Variants in SPATA16 observed in about 807,000 individuals in gnomAD.
SPATA16 encodes the protein spermatogenesis associated 16.
A neutral mutation model predicts 63.3 loss-of-function variants in SPATA16; 36 were observed. That is an observed-to-expected ratio of 0.57 (90% confidence interval 0.44 to 0.75). SPATA16 has a LOEUF of 0.75. Among genes scored for constraint, SPATA16 ranks in the 30% least tolerant of loss-of-function variants. The probability of loss-of-function intolerance (pLI) is 0.00; values close to 1 mark genes in which losing one functional copy is unlikely to be tolerated. For missense variants in SPATA16, 646 were observed against 679.3 expected (o/e 0.95, Z 0.54); for synonymous variants, 203 against 216.7 (o/e 0.94, Z 0.56).
At position 173,019,489 on chromosome 3, in the gene SPATA16, G is replaced by A; in HGVS notation, c.845C>T (p.Ala282Val). Reference sequence around the variant, plus strand: ...ACAAAAGTTAAAACAAACATACCGGGCAGCCTCTGAATACCTCTCCAGACA... The same window carrying A: ...ACAAAAGTTAAAACAAACATACCGGACAGCCTCTGAATACCTCTCCAGACA... Reference protein sequence around the residue: ...FRCLERYSEAARSAMIADYMF... With the variant: ...FRCLERYSEAVRSAMIADYMF... The change falls in exon 4 of 11, where the codon GCC (alanine) becomes GTC (valine). Residue 282 changes from alanine to valine, a missense_variant. Physicochemically the swap from Ala to Val is moderately conservative, Grantham distance 64. Coordinates refer to ENST00000351008, the MANE Select transcript of SPATA16 (RefSeq NM_031955.6). 6.2e-7 allele frequency: 1 copy of A among 1,613,148 alleles called. No homozygotes were observed. Among genetic ancestry groups the A allele is most frequent in the South Asian group, 1.1e-5 (1 of 91,064 alleles).
At chr3:173,109,336 G>A (rs1737693441) in intron 2 of SPATA16, among the ~76,000 whole-genome samples, 1 of 152,110 alleles carries the variant, frequency 6.6e-6, no homozygotes, top group Admixed American at 6.6e-5. Context: ...CTGCTTTTGT[G>A]TGGGAAAGGG....
chr3:173,030,485 A>T (rs1735580139), intron 3 of SPATA16, among the ~76,000 whole-genome samples: 1 of 152,120 alleles, frequency 6.6e-6, no homozygotes, highest in Non-Finnish European at 1.5e-5. Context: ...AGATGTTTAC[A>T]TCACTAATTG....
chr3:172,928,989 A>G (rs1366017496), intron 6 of SPATA16, among the ~76,000 whole-genome samples: 1 of 152,160 alleles, frequency 6.6e-6, no homozygotes. Context: ...TTTGAGTGCT[A>G]ATTGTTCTCG....
At chr3:172,931,683 A>G (rs182342196) in intron 6 of SPATA16, among the ~76,000 whole-genome samples, 1 of 152,260 alleles carries the variant, frequency 6.6e-6, no homozygotes, top group Non-Finnish European at 1.5e-5. Context: ...AAAAATCAAA[A>G]CTAATAAAAT....
At chr3:173,001,278 T>TTGTTTTTTTTTTTG (rs1201983441) in intron 4 of SPATA16, among the ~76,000 whole-genome samples, 1 of 151,682 alleles carries the variant, frequency 6.6e-6, no homozygotes, top group African/African-American at 2.4e-5. Flanking sequence ...GTTTTTTTTT[T>TTGTTTTTTTTTTTG]TTTGTTTTCA....
At position 173,037,464 on chromosome 3, in the gene SPATA16, C is replaced by T. The variant is rs186000439; in HGVS notation, c.758+11485G>A. Among the ~76,000 whole-genome samples, 1,008 of 152,148 alleles carry T rather than the reference C, an allele frequency of 6.6e-3. 17 individuals carry two copies. Among genetic ancestry groups the T allele is most frequent in the Non-Finnish European group, 8.0e-3 (546 of 67,938 alleles). Reference sequence around the variant, plus strand: ...TCTGCTAATTTCTCATTGTTAAGCACTCAAAAATCAAACACTGCTTTGAAT... The same window carrying T: ...TCTGCTAATTTCTCATTGTTAAGCATTCAAAAATCAAACACTGCTTTGAAT... On this transcript the variant is annotated intron_variant, in intron 3 of 10. Coordinates refer to ENST00000351008, the MANE Select transcript of SPATA16 (RefSeq NM_031955.6).
intron 4 of SPATA16, among the ~76,000 whole-genome samples, chr3:173,002,652 T>A (rs1734851640): frequency 6.6e-6 from 1 of 152,232 alleles, no homozygotes; most frequent in Admixed American, 6.5e-5. Context: ...TGGAGAGATT[T>A]GCTTTGCCAG....
chr3:172,939,886 A>G (rs1270224892), intron 6 of SPATA16, among the ~76,000 whole-genome samples: 2 of 152,226 alleles, frequency 1.3e-5, no homozygotes, highest in Admixed American at 6.5e-5. Context: ...TGGAATGTTC[A>G]GCTTCATGCC....
intron 3 of SPATA16, among the ~76,000 whole-genome samples, chr3:173,031,670 A>G (rs1434292224): frequency 6.6e-6 from 1 of 152,088 alleles, no homozygotes; most frequent in African/African-American, 2.4e-5. Context: ...AAGAAAACTT[A>G]TGCAACAGTG....
intron 3 of SPATA16, among the ~76,000 whole-genome samples, chr3:173,047,159 TTATATTTG>T (rs1735976170): frequency 5.9e-5 from 9 of 152,034 alleles, no homozygotes; most frequent in East Asian, 1.9e-4. Context: ...CTTGTGGTTC[TTATATTTG>T]GATTATAGTG....
chr3:172,919,253 A>G (rs1227494026), intron 8 of SPATA16, among the ~76,000 whole-genome samples: 1 of 152,218 alleles, frequency 6.6e-6, no homozygotes, highest in Non-Finnish European at 1.5e-5. Flanking sequence ...AAGTTAATGA[A>G]TGGAAAAGTA....
chr3:172,996,872 A>G (rs1290758683), intron 4 of SPATA16, among the ~76,000 whole-genome samples: 2 of 152,126 alleles, frequency 1.3e-5, no homozygotes, highest in African/African-American at 4.8e-5. Flanking sequence ...AGAATGTCAT[A>G]TAGTTAAAAT....
At chr3:173,128,823 G>A (rs567783305) in intron 1 of SPATA16, among the ~76,000 whole-genome samples, 8 of 152,302 alleles carry the variant, frequency 5.3e-5, no homozygotes, top group East Asian at 1.9e-4. Context: ...TTCTGGTGAC[G>A]TAAGCATATT....
chr3:173,118,456 C>T (rs1250573095), intron 1 of SPATA16, among the ~76,000 whole-genome samples: 1 of 152,122 alleles, frequency 6.6e-6, no homozygotes, highest in African/African-American at 2.4e-5. Flanking sequence ...TTTTTCTAAA[C>T]ATTAATGCTC....
chr3:172,890,964 T>TATATATATATAATATGTGTATATATATAC (rs1553778277), intron 10 of SPATA16, among the ~76,000 whole-genome samples: 6 of 147,050 alleles, frequency 4.1e-5, no homozygotes, highest in Non-Finnish European at 7.5e-5. Flanking sequence ...TATATATACA[T>TATATATATATAATATGTGTATATATATAC]ATATATATAT....
chr3:173,047,190 T>C (rs575803011), intron 3 of SPATA16, among the ~76,000 whole-genome samples: 1 of 151,748 alleles, frequency 6.6e-6, no homozygotes, highest in South Asian at 2.1e-4. Context: ...ATTTTTGATC[T>C]TTCGTTCTCA....
intron 8 of SPATA16, among the ~76,000 whole-genome samples, chr3:172,923,993 AGT>A (rs1161868623): frequency 6.6e-6 from 1 of 152,242 alleles, no homozygotes; most frequent in East Asian, 1.9e-4. Context: ...TATCCTAATA[AGT>A]GCTTGAAATT....
intron 6 of SPATA16, among the ~76,000 whole-genome samples, chr3:172,955,474 C>A (rs1733547071): frequency 6.6e-6 from 1 of 152,014 alleles, no homozygotes; most frequent in African/African-American, 2.4e-5. Flanking sequence ...TTTTAACCTG[C>A]TTTCTTATGA....
chr3:172,896,103 TTATC>T (rs1360712906), intron 10 of SPATA16, among the ~76,000 whole-genome samples: 16 of 152,202 alleles, frequency 1.1e-4, no homozygotes, highest in Admixed American at 9.2e-4. Context: ...ATGAGCCAGT[TTATC>T]TGTCTGGGTG....
Sources: gnomAD v4.1 joint callset for allele counts (sites outside exome capture counted in the v4.1 genomes callset) on GRCh38, gnomAD v4.1.1 for gene constraint, MANE v1.5 for transcripts, NCBI Gene and HGNC (gene_info 2026-07-23, HGNC 2026-07-21) for gene names.